The following ACTG2 variants were observed in gnomAD, a reference collection of about 807,000 sequenced individuals.
ACTG2 encodes the protein actin, gamma-enteric smooth muscle.
In ACTG2, 16 loss-of-function variants were observed where a neutral mutation model predicts 37.6. That is an observed-to-expected ratio of 0.43 (90% confidence interval 0.29 to 0.65). The LOEUF (loss-of-function observed/expected upper bound fraction) is 0.65, where lower values mean the gene tolerates loss of function less well. Among genes scored for constraint, ACTG2 ranks in the 30% least tolerant of loss-of-function variants. The pLI is 0.18. For synonymous variants in ACTG2, 181 were observed against 179.9 expected (o/e 1.01, Z -0.05); for missense variants, 238 against 490.9 (o/e 0.48, Z 4.87).
chr2:73,916,862 C>T lies in ACTG2; in HGVS notation c.987+97C>T, dbSNP rs574400122. Reference sequence around the variant, plus strand: ...GCAGACTGCCAGACCTGATAACTTGCTGGTCTCCTGGGTTCAATATCATCC... The same window carrying T: ...GCAGACTGCCAGACCTGATAACTTGTTGGTCTCCTGGGTTCAATATCATCC... On this transcript the variant is annotated intron_variant, in intron 8 of 8. Coordinates refer to ENST00000345517, the MANE Select transcript of ACTG2 (RefSeq NM_001615.4). The T allele has an allele frequency of 4.4e-4, 620 of 1,418,116 alleles. 3 individuals carry two copies. The Middle Eastern group carries it at 0.014, about 33-fold the overall frequency. The allele number at this position is 1,418,116 out of a possible 1,614,324, so 87.8% of individuals were successfully genotyped here. A position where few individuals can be genotyped will look rare whatever the true frequency, so the allele number is the denominator to read the frequency against.
intron 1 of ACTG2, chr2:73,896,968 G>T (rs570273725): frequency 6.6e-6 from 1 of 152,392 alleles, no homozygotes; most frequent in African/African-American, 2.4e-5. Flanking sequence ...AATTTCTCCT[G>T]GCAGAGATGG....
chr2:73,916,782 T>C lies in ACTG2; in HGVS notation c.987+17T>C, dbSNP rs769432474. On this transcript the variant is annotated intron_variant, in intron 8 of 8. Transcript: ENST00000345517. ...AAGATCAAGGTGGGTCTTGCCTCAG[T>C]TGTCTCCATCCTGTTCTTTGTATAA... 44 of 1,611,174 alleles carry C rather than the reference T, an allele frequency of 2.7e-5. No individual in the cohort carries two copies. Among genetic ancestry groups the C allele is most frequent in the Non-Finnish European group, 3.6e-5 (42 of 1,178,602 alleles).
At chr2:73,903,411 A>C (rs1039171875) in intron 3 of ACTG2, among the ~76,000 whole-genome samples, 2 of 152,230 alleles carry the variant, frequency 1.3e-5, no homozygotes, top group East Asian at 1.9e-4. Context: ...CACGTTATAC[A>C]GTGGAGTGGG....
chr2:73,902,345 C>G lies in ACTG2; in HGVS notation c.127-15C>G. On this transcript the variant is annotated splice_polypyrimidine_tract_variant and intron_variant, in intron 2 of 8. Transcript: ENST00000345517. ...CTCAGCCATTCATTTCTCTTTTCTT[C>G]TTTTTGCATTGCAGGGTGTGATGGT... The G allele has an allele frequency of 6.2e-7, 1 of 1,613,194 alleles. No individual in the cohort carries two copies. The highest frequency in any genetic ancestry group is 1.7e-5 in the Admixed American group (1 of 59,964).
chr2:73,902,033 G>GTC (rs1679898205), intron 2 of ACTG2, among the ~76,000 whole-genome samples: 1 of 101,214 alleles, frequency 9.9e-6, no homozygotes. Context: ...GTGTGTGTGT[G>GTC]TGTGTGTCTG....
At chr2:73,914,959 T>C (rs1680227381) in intron 7 of ACTG2, 88 bp downstream of exon 7, 9 of 1,185,630 alleles carry the variant, frequency 7.6e-6, no homozygotes, top group Non-Finnish European at 9.9e-6. Context: ...CCAGGAGTCA[T>C]GGCCACTTTG....
chr2:73,917,064 C>G (rs1419772262), intron 8 of ACTG2, among the ~76,000 whole-genome samples: 2 of 152,098 alleles, frequency 1.3e-5, no homozygotes, highest in Admixed American at 1.3e-4. Context: ...GTAATCCCAG[C>G]ATTTTGGAAA....
chr2:73,914,757 G>T lies in ACTG2; in HGVS notation c.691G>T (p.Ala231Ser). Reference protein sequence around the residue: ...ALDFENEMATAASSSSLEKSY... With the variant: ...ALDFENEMATSASSSSLEKSY... ...GGATTTTGAGAATGAGATGGCCACA[G>T]CAGCTTCCTCTTCCTCCCTGGAGAA... The change falls in exon 7 of 9, where the codon GCA becomes TCA. Residue 231 changes from alanine to serine, a missense_variant. Physicochemically the swap from Ala to Ser is moderately conservative, Grantham distance 99 (BLOSUM62 1). Coordinates refer to ENST00000345517, the MANE Select transcript of ACTG2 (RefSeq NM_001615.4). 1 of 1,612,696 alleles carries T rather than the reference G, an allele frequency of 6.2e-7. No homozygotes were observed. Among genetic ancestry groups the T allele is most frequent in the Non-Finnish European group, 8.5e-7 (1 of 1,179,266 alleles).
At chr2:73,908,046 C>T (rs1270680817) in intron 3 of ACTG2, among the ~76,000 whole-genome samples, 2 of 152,172 alleles carry the variant, frequency 1.3e-5, no homozygotes, top group East Asian at 3.8e-4. Context: ...AAATGAATGT[C>T]CTACAGAAAT....
chr2:73,898,802 C>CTTTTTTTTTTTTTTT (rs1165118275), intron 1 of ACTG2, among the ~76,000 whole-genome samples: 23 of 93,008 alleles, frequency 2.5e-4, no homozygotes, highest in Non-Finnish European at 3.4e-4. Context: ...TTTTTTTTTT[C>CTTTTTTTTTTTTTTT]TTTTTTTTTT....
intron 1 of ACTG2, among the ~76,000 whole-genome samples, chr2:73,896,288 G>A (rs1325600920): frequency 6.7e-6 from 1 of 150,348 alleles, no homozygotes; most frequent in African/African-American, 2.5e-5. Flanking sequence ...CAAGCCTGCA[G>A]TGAGCTTGAT....
intron 1 of ACTG2, among the ~76,000 whole-genome samples, chr2:73,895,627 A>T (rs1043078142): frequency 2.0e-5 from 3 of 152,252 alleles, no homozygotes; most frequent in Non-Finnish European, 2.9e-5. Context: ...GTTTAGGCCT[A>T]ACACTTTCTG....
chr2:73,908,506 A>G, intron 3 of ACTG2, 167 bp from the exon 4 acceptor site: 1 of 646,074 alleles, frequency 1.5e-6, no homozygotes, highest in Non-Finnish European at 2.8e-6. Flanking sequence ...GAGAAGGAGT[A>G]TACCCTTTAA....
chr2:73,903,809 G>A (rs552150107), intron 3 of ACTG2, among the ~76,000 whole-genome samples: 5 of 151,920 alleles, frequency 3.3e-5, no homozygotes, highest in South Asian at 2.1e-4. Context: ...ACATGGTGGC[G>A]GGTGCCTGTA....
intron 1 of ACTG2, among the ~76,000 whole-genome samples, chr2:73,900,537 G>C (rs959677340): frequency 6.6e-6 from 1 of 152,124 alleles, no homozygotes; most frequent in African/African-American, 2.4e-5. Context: ...CCCATCTGTC[G>C]AGGCAACAGT....
intron 3 of ACTG2, 72 bp from the exon 4 acceptor site, chr2:73,908,601 C>T (rs1234619136): frequency 2.4e-6 from 3 of 1,267,352 alleles, no homozygotes; most frequent in Non-Finnish European, 3.3e-6. Flanking sequence ...ACTCTCCCAG[C>T]ATGGGAATGT....
At chr2:73,908,883 TG>T (rs1255854703) in intron 4 of ACTG2, 100 bp downstream of exon 4, 1 of 1,250,998 alleles carries the variant, frequency 8.0e-7, no homozygotes, top group East Asian at 2.4e-5. Context: ...CAGAACTCTC[TG>T]AGGACCTGCT....
At chr2:73,916,894 G>A (rs1680282120) in intron 8 of ACTG2, 129 bp downstream of exon 8, 12 of 1,096,458 alleles carry the variant, frequency 1.1e-5, no homozygotes, top group African/African-American at 3.2e-5. Context: ...ATCCTGGACT[G>A]GAGCCAATTT....
chr2:73,898,442 A>G (rs1679801436), intron 1 of ACTG2, among the ~76,000 whole-genome samples: 2 of 150,624 alleles, frequency 1.3e-5, no homozygotes, highest in Non-Finnish European at 1.5e-5. Context: ...TTTACTATTC[A>G]GTAACTTTTT....
Sources: allele counts gnomAD v4.1 joint callset (sites outside exome capture counted in the v4.1 genomes callset), GRCh38; gene constraint gnomAD v4.1.1; transcripts MANE v1.5; gene names NCBI Gene and HGNC (gene_info 2026-07-23, HGNC 2026-07-21).